BICD2: variants seen among roughly 807,000 people sequenced by gnomAD.
The protein encoded by BICD2 is protein bicaudal D homolog 2.
BICD2 carries 25 observed loss-of-function variants against 72.9 expected under a neutral mutation model. That is an observed-to-expected ratio of 0.34 (90% CI 0.25 to 0.48). BICD2 has a LOEUF of 0.48. Among genes scored for constraint, BICD2 ranks in the 20% least tolerant of loss-of-function variants. The probability of loss-of-function intolerance (pLI) is 0.99; values close to 1 mark genes in which losing one functional copy is unlikely to be tolerated. For missense variants in BICD2, 894 were observed against 1,175.2 expected, an observed-to-expected ratio of 0.76 and a Z score of 3.50; for synonymous variants, 501 against 516.1, an observed-to-expected ratio of 0.97 and a Z score of 0.40.
chr9:92,732,222 G>A (rs1241654570), intron 1 of BICD2, among the ~76,000 whole-genome samples: 3 of 152,210 alleles, frequency 2.0e-5, no homozygotes, highest in Middle Eastern at 3.4e-3. Context: ...GAAAAGATCA[G>A]TCAACTTGAA....
chr9:92,725,852 C>T (rs761444098), intron 2 of BICD2, among the ~76,000 whole-genome samples: 24 of 152,288 alleles, frequency 1.6e-4, no homozygotes, highest in Non-Finnish European at 2.6e-4. Flanking sequence ...CCTACTCCTT[C>T]TTGGGGCAAA....
At chr9:92,717,659 G>T in intron 6 of BICD2, 138 bp downstream of exon 6, 1 of 1,176,042 alleles carries the variant, frequency 8.5e-7, no homozygotes, top group Non-Finnish European at 1.2e-6. Context: ...TGCTGGCCCT[G>T]ATGGAGCTGG....
chr9:92,763,430 T>C (rs569668378), intron 1 of BICD2, among the ~76,000 whole-genome samples: 17 of 152,222 alleles, frequency 1.1e-4, no homozygotes, highest in Admixed American at 8.5e-4. Context: ...TCCAAATACA[T>C]GACCCTCACA....
intron 3 of BICD2, among the ~76,000 whole-genome samples, chr9:92,721,383 G>A (rs112957583): frequency 2.6e-5 from 4 of 152,214 alleles, no homozygotes; most frequent in African/African-American, 9.6e-5. Flanking sequence ...TCGAAGGTAG[G>A]TGGGAAAAGC....
rs148517062 is a variant in BICD2 at position 92,753,599 on chromosome 9, C to T, written c.240+10906G>A. 3.8e-3 allele frequency among the ~76,000 whole-genome samples: 575 copies of T among 151,918 alleles called. 4 individuals are homozygous for T. The highest frequency in any genetic ancestry group is 6.2e-3 in the Non-Finnish European group (423 of 67,976). On this transcript the variant is annotated intron_variant, in intron 1 of 6. Coordinates refer to ENST00000356884, the MANE Select transcript of BICD2 (RefSeq NM_001003800.2). The stretch of plus-strand genomic sequence containing the variant: ...TGTCGCCCAGGCTGGAGTGCAGTGG[C>T]GCAATCTCAGCTCACCACAAGCTCC...
chr9:92,719,634 A>G (rs2131501508), intron 4 of BICD2, 52 bp from the exon 5 acceptor site: 1 of 1,493,682 alleles, frequency 6.7e-7, no homozygotes. Context: ...GGACCCCGAG[A>G]GCTTGGAGGA....
At chr9:92,736,587 C>A (rs535715501) in intron 1 of BICD2, among the ~76,000 whole-genome samples, 43 of 152,332 alleles carry the variant, frequency 2.8e-4, no homozygotes, top group African/African-American at 9.4e-4. Flanking sequence ...CACTGTTCTG[C>A]CTATGGAGTA....
At chr9:92,752,463 A>G (rs912783367) in intron 1 of BICD2, among the ~76,000 whole-genome samples, 5 of 152,252 alleles carry the variant, frequency 3.3e-5, no homozygotes, top group African/African-American at 1.2e-4. Flanking sequence ...ATTATAACCC[A>G]AAGTATAAAA....
chr9:92,714,284 AC>A lies in BICD2; in HGVS notation c.*869del. ...CAAAGCCCCATGTCTTTGGGACTGAACCCCCTATGGAAGGCCGGATAATTGG... is the reference window on the plus strand; with the variant it reads ...CAAAGCCCCATGTCTTTGGGACTGAACCCCTATGGAAGGCCGGATAATTGG... On this transcript the variant is annotated 3_prime_UTR_variant, in exon 7 of 7. Transcript: ENST00000356884. The A allele has an allele frequency of 4.1e-6, 4 of 985,372 alleles. No homozygotes were observed. The highest frequency in any genetic ancestry group is 4.8e-6 in the Non-Finnish European group (4 of 829,930). 61.0% of individuals were successfully genotyped at this position (985,372 alleles called of 1,614,324 possible). A position where few individuals can be genotyped will look rare whatever the true frequency, so the allele number is the denominator to read the frequency against.
At chr9:92,751,519 T>C (rs866013869) in intron 1 of BICD2, among the ~76,000 whole-genome samples, 1 of 152,114 alleles carries the variant, frequency 6.6e-6, no homozygotes, top group Non-Finnish European at 1.5e-5. Flanking sequence ...GCACTGTAAC[T>C]CTAGTTGATA....
At chr9:92,726,784 G>A (rs1210424185) in intron 2 of BICD2, among the ~76,000 whole-genome samples, 2 of 152,144 alleles carry the variant, frequency 1.3e-5, no homozygotes, top group Non-Finnish European at 2.9e-5. Flanking sequence ...TCCTCCTGAA[G>A]CACAAACAGG....
At chr9:92,739,353 G>A (rs1226155762) in intron 1 of BICD2, among the ~76,000 whole-genome samples, 1 of 152,210 alleles carries the variant, frequency 6.6e-6, no homozygotes, top group African/African-American at 2.4e-5. Flanking sequence ...AAGTCCGAGG[G>A]CCTGTAGCCC....
chr9:92,719,442 C>A lies in BICD2; in HGVS notation c.1203G>T (p.Gln401His), dbSNP rs752209653. 56 of 1,614,166 alleles carry A rather than the reference C, an allele frequency of 3.5e-5. No homozygotes were observed. In the East Asian group the frequency reaches 1.1e-3, roughly 33 times the overall value. ...GGGCTGTCTGCCGCTCCTTGCTGGC[C>A]TGCAGGCGCCGCAGGGCACTCAGAT... Reference protein sequence around the residue: ...TENLSALRRLQASKERQTALD... With the variant: ...TENLSALRRLHASKERQTALD... The change falls in exon 5 of 7, where the codon CAG becomes CAT. Residue 401 changes from glutamine to histidine, a missense_variant. Coordinates refer to ENST00000356884, the MANE Select transcript of BICD2 (RefSeq NM_001003800.2).
In BICD2 at chr9:92,719,448, G is replaced by A; in HGVS notation, c.1197C>T (p.Arg399=). Reference sequence around the variant, plus strand: ...TCTGCCGCTCCTTGCTGGCCTGCAGGCGCCGCAGGGCACTCAGATTCTCTG... The same window carrying A: ...TCTGCCGCTCCTTGCTGGCCTGCAGACGCCGCAGGGCACTCAGATTCTCTG... ...RLTENLSALR[R]LQASKERQTA... The change falls in exon 5 of 7, where the codon CGC becomes CGT. Residue 399 remains arginine (R), a synonymous_variant. Coordinates refer to ENST00000356884, the MANE Select transcript of BICD2 (RefSeq NM_001003800.2). 2 of 1,614,134 alleles carry A rather than the reference G, an allele frequency of 1.2e-6. No individual in the cohort carries two copies. Among genetic ancestry groups the A allele is most frequent in the Non-Finnish European group, 1.7e-6 (2 of 1,180,030 alleles).
Position 92,714,168 on chromosome 9 carries a change from G to A in BICD2, c.*986C>T. 1 of 985,534 alleles carries A rather than the reference G, an allele frequency of 1.0e-6. No individual in the cohort carries two copies. Among genetic ancestry groups the A allele is most frequent in the Non-Finnish European group, 1.2e-6 (1 of 830,014 alleles). 61.0% of individuals were successfully genotyped at this position (985,534 alleles called of 1,614,324 possible). On this transcript the variant is annotated 3_prime_UTR_variant, in exon 7 of 7. Coordinates refer to ENST00000356884, the MANE Select transcript of BICD2 (RefSeq NM_001003800.2). ...ACAAGTGGCCCTGGCCCTATGCAAA[G>A]CTTTCCCAGCACCGGGCTGGGCTCT...
At chr9:92,763,806 G>C (rs1315651912) in intron 1 of BICD2, among the ~76,000 whole-genome samples, 1 of 152,196 alleles carries the variant, frequency 6.6e-6, no homozygotes, top group Non-Finnish European at 1.5e-5. Context: ...GGCTGGACAG[G>C]AAGTGGGCCA....
Position 92,720,851 on chromosome 9 carries a change from C to A in BICD2, c.607-96G>T. ...AAACACACCAGCACACCAACTCCGG[C>A]CACTATGAAGCAAAAGATGAAGCGC... On this transcript the variant is annotated intron_variant, in intron 3 of 6. Transcript: ENST00000356884. The surrounding 1 kb of genome is among the most constrained non-coding windows in gnomAD (Gnocchi z 5.4). 7.6e-7 allele frequency: 1 copy of A among 1,318,446 alleles called. No homozygotes were observed. The highest frequency in any genetic ancestry group is 2.5e-5 in the East Asian group (1 of 40,532). The allele number at this position is 1,318,446 out of a possible 1,614,324, so 81.7% of individuals were successfully genotyped here. A position where few individuals can be genotyped will look rare whatever the true frequency, so the allele number is the denominator to read the frequency against.
In BICD2 at chr9:92,761,101, C is replaced by T. The variant is rs925648074; in HGVS notation, c.240+3404G>A. ...AGCAGGCAGGGGAATTTTAGAGACACCCAAGCTTGAAGGGCAGGTGGGACT... is the reference window on the plus strand; with the variant it reads ...AGCAGGCAGGGGAATTTTAGAGACATCCAAGCTTGAAGGGCAGGTGGGACT... On this transcript the variant is annotated intron_variant, in intron 1 of 6. Coordinates refer to ENST00000356884, the MANE Select transcript of BICD2 (RefSeq NM_001003800.2). Among the ~76,000 whole-genome samples the T allele has an allele frequency of 3.5e-4, 53 of 152,208 alleles. 1 individual carries two copies. The highest frequency in any genetic ancestry group is 3.2e-3 in the Admixed American group (49 of 15,298).
At chr9:92,742,301 C>T (rs762959173) in intron 1 of BICD2, among the ~76,000 whole-genome samples, 9 of 152,146 alleles carry the variant, frequency 5.9e-5, no homozygotes, top group Admixed American at 5.2e-4. Flanking sequence ...ATAATATTCA[C>T]CCTTTTAAAG....
Sources: gnomAD v4.1 joint callset for allele counts (sites outside exome capture counted in the v4.1 genomes callset) on GRCh38, gnomAD v4.1.1 for gene constraint, Gnocchi (gnomAD v3.1) non-coding constraint, MANE v1.5 for transcripts, NCBI Gene and HGNC (gene_info 2026-07-23, HGNC 2026-07-21) for gene names.